Variants in FOXP2 observed in about 807,000 individuals in gnomAD.
FOXP2 encodes the protein forkhead box protein P2.
A neutral mutation model predicts 115.8 loss-of-function variants in FOXP2; 12 were observed. The ratio of observed to expected loss-of-function variants is 0.10; its 90% confidence interval spans 0.07 to 0.17. The LOEUF is 0.17. Ranked by LOEUF, FOXP2 falls within the 10% of genes least tolerant of loss-of-function variation. FOXP2 has a pLI of 1.00. For synonymous variants in FOXP2, 328 were observed against 297.7 expected (o/e 1.10, Z -1.05); for missense variants, 629 against 843.5 (o/e 0.75, Z 3.15).
At chr7:114,681,409 A>G (rs982346006) in intron 16 of FOXP2, among the ~76,000 whole-genome samples, 12 of 152,154 alleles carry the variant, frequency 7.9e-5, no homozygotes, top group African/African-American at 2.9e-4. Flanking sequence ...AAGTTAATCT[A>G]TTTAAGATTT....
At chr7:114,493,473 G>T (rs1797163688) in intron 2 of FOXP2, among the ~76,000 whole-genome samples, 1 of 152,118 alleles carries the variant, frequency 6.6e-6, no homozygotes, top group Non-Finnish European at 1.5e-5. Flanking sequence ...ATCACTCTGT[G>T]AAGACAGGAG....
chr7:114,433,655 T>C lies in FOXP2; in HGVS notation c.168+6976T>C, dbSNP rs79886170. Among the ~76,000 whole-genome samples the C allele has an allele frequency of 4.6e-5, 7 of 152,090 alleles. No individual in the cohort carries two copies. The East Asian group carries it at 1.4e-3, about 29-fold the overall frequency. On this transcript the variant is annotated intron_variant, in intron 2 of 16. Transcript: ENST00000350908. ...ATAAGTGTGCCTTAAAATATTCTCA[T>C]TGCAAAATTTCAACTAAAGTAGCTA...
At chr7:114,637,410 A>G (rs982395482) in intron 6 of FOXP2, among the ~76,000 whole-genome samples, 1 of 152,190 alleles carries the variant, frequency 6.6e-6, no homozygotes, top group Non-Finnish European at 1.5e-5. Flanking sequence ...TATCCTTGAA[A>G]TAAGAGAAAC....
chr7:114,195,640 A>G (rs562840845), intron 1 of FOXP2, among the ~76,000 whole-genome samples: 1 of 152,176 alleles, frequency 6.6e-6, no homozygotes, highest in South Asian at 2.1e-4. Context: ...AAATCATTAA[A>G]TTCATATATT....
rs2690823 is a variant in FOXP2 at position 114,343,293 on chromosome 7, A to T, written c.-11+55184A>T. ...CTTAGAAAGGCAAGTAAACCAAGTA[A>T]CCCAGCAGGTAAGGAAAACAATTAA... On this transcript the variant is annotated intron_variant, in intron 2 of 17. Transcript: ENST00000634411. Among the ~76,000 whole-genome samples, 562 of 151,690 alleles carry T rather than the reference A, an allele frequency of 3.7e-3. 3 individuals carry two copies. Among genetic ancestry groups the T allele is most frequent in the African/African-American group, 0.013 (543 of 41,484 alleles).
At chr7:114,618,770 A>C (rs1486196309) in intron 3 of FOXP2, among the ~76,000 whole-genome samples, 1 of 152,170 alleles carries the variant, frequency 6.6e-6, no homozygotes, top group Non-Finnish European at 1.5e-5. Context: ...TTTAGATATT[A>C]AGTTTGAGTA....
At chr7:114,492,118 CTTCTTCCTGGTT>C (rs1362737097) in intron 2 of FOXP2, among the ~76,000 whole-genome samples, 1 of 152,132 alleles carries the variant, frequency 6.6e-6, no homozygotes, top group African/African-American at 2.4e-5. Context: ...AGAGATTCAA[CTTCTTCCTGGTT>C]TAGTCTTGGG....
chr7:114,473,080 A>G (rs1233573271), intron 2 of FOXP2, among the ~76,000 whole-genome samples: 1 of 152,192 alleles, frequency 6.6e-6, no homozygotes, highest in Non-Finnish European at 1.5e-5. Flanking sequence ...TGGAATGAGT[A>G]AGGCACTAGC....
chr7:114,305,785 A>C (rs1195626319), intron 2 of FOXP2, among the ~76,000 whole-genome samples: 1 of 152,112 alleles, frequency 6.6e-6, no homozygotes, highest in Non-Finnish European at 1.5e-5. Context: ...TAATCACTTT[A>C]CACATATTAA....
At chr7:114,313,832 TATA>T (rs1286446566) in intron 2 of FOXP2, among the ~76,000 whole-genome samples, 1 of 152,026 alleles carries the variant, frequency 6.6e-6, no homozygotes, top group African/African-American at 2.4e-5. Flanking sequence ...AGAAAGGATA[TATA>T]ATTCTAACAC....
At chr7:114,093,935 A>G (rs192190387) in intron 1 of FOXP2, among the ~76,000 whole-genome samples, 224 of 152,304 alleles carry the variant, frequency 1.5e-3, no homozygotes, top group Admixed American at 2.4e-3. Context: ...CATAACATTC[A>G]TCATTATACC....
rs116646489 is a variant in FOXP2, at chr7:114,594,680, G to A, written c.259-33860G>A. Among the ~76,000 whole-genome samples, 626 of 152,142 alleles carry A rather than the reference G, an allele frequency of 4.1e-3. 7 individuals carry two copies. Among genetic ancestry groups the A allele is most frequent in the African/African-American group, 0.014 (576 of 41,542 alleles). On this transcript the variant is annotated intron_variant, in intron 3 of 16. Coordinates refer to ENST00000350908, the MANE Select transcript of FOXP2 (RefSeq NM_014491.4). ...GTGTTTCATTGGAAGCTTCTGAAAG[G>A]TGGCAGATATTTAAGCAAAGCCTAT...
chr7:114,196,082 G>T (rs756295714), intron 1 of FOXP2, among the ~76,000 whole-genome samples: 2 of 152,056 alleles, frequency 1.3e-5, no homozygotes, highest in Non-Finnish European at 2.9e-5. Context: ...GCGTGATCTC[G>T]GCTCACTGTA....
intron 6 of FOXP2, among the ~76,000 whole-genome samples, chr7:114,639,834 T>G (rs115670510): frequency 0.018 from 2,708 of 152,252 alleles, 71 homozygotes; most frequent in African/African-American, 0.061. Context: ...ATAGGCTATA[T>G]TAAAGGTTGT....
intron 1 of FOXP2, among the ~76,000 whole-genome samples, chr7:114,142,465 GA>G (rs1339872624): frequency 6.6e-6 from 1 of 152,088 alleles, no homozygotes; most frequent in Admixed American, 6.5e-5. Context: ...TATAAACTAT[GA>G]ATTTGAAATG....
At chr7:114,496,181 G>C (rs1299045188) in intron 2 of FOXP2, among the ~76,000 whole-genome samples, 2 of 151,964 alleles carry the variant, frequency 1.3e-5, no homozygotes, top group Non-Finnish European at 1.5e-5. Context: ...AATAGCTACT[G>C]TTTTGAAAAA....
At chr7:114,272,097 C>G (rs772549816) in intron 1 of FOXP2, among the ~76,000 whole-genome samples, 10 of 143,882 alleles carry the variant, frequency 7.0e-5, no homozygotes, top group Non-Finnish European at 1.4e-4. Flanking sequence ...ATATTTAAAT[C>G]ATGAATGGAT....
chr7:114,263,859 CT>C (rs1795823741), intron 1 of FOXP2, among the ~76,000 whole-genome samples: 1 of 152,006 alleles, frequency 6.6e-6, no homozygotes, highest in Admixed American at 6.5e-5. Flanking sequence ...CATTCCCATG[CT>C]TCCTCACCTA....
In FOXP2 at chr7:114,663,464, TA is replaced by T; in HGVS notation, c.1790del (p.Asn597IlefsTer6). 6.2e-7 allele frequency: 1 copy of T among 1,609,540 alleles called. No individual in the cohort carries two copies. Among genetic ancestry groups the T allele is most frequent in the African/African-American group, 1.3e-5 (1 of 74,814 alleles). ...TTTTTTTTCAGAAGTCCAACCTTAG[TA>T]AAAAATATACCTACCAGTTTAGGCT... ...SQKITGSPTL[V>X]KNIPTSLGYG... On this transcript the variant is annotated frameshift_variant, in exon 15 of 17. Coordinates refer to ENST00000350908, the MANE Select transcript of FOXP2 (RefSeq NM_014491.4). LOFTEE classifies it high-confidence loss of function.
Sources: allele counts gnomAD v4.1 joint callset (sites outside exome capture counted in the v4.1 genomes callset), GRCh38; gene constraint gnomAD v4.1.1; transcripts MANE v1.5; gene names NCBI Gene and HGNC (gene_info 2026-07-23, HGNC 2026-07-21).